The following ITFG1 variants were observed in gnomAD, a reference collection of about 807,000 sequenced individuals.
The protein encoded by ITFG1 is T-cell immunomodulatory protein.
ITFG1 carries 34 observed loss-of-function variants against 81.8 expected under a neutral mutation model. The ratio of observed to expected loss-of-function variants is 0.42; its 90% CI spans 0.32 to 0.55. The LOEUF (loss-of-function observed/expected upper bound fraction) is 0.55. ITFG1 is among the 20% of genes least tolerant of loss of function. The probability of loss-of-function intolerance (pLI) is 0.17; values close to 1 mark genes in which losing one functional copy is unlikely to be tolerated. For missense variants in ITFG1, 672 were observed against 755.4 expected, an observed-to-expected ratio of 0.89 and a Z score of 1.29; for synonymous variants, 285 against 270.6, an observed-to-expected ratio of 1.05 and a Z score of -0.52.
chr16:47,424,327 C>T (rs1968991277), intron 6 of ITFG1, among the ~76,000 whole-genome samples: 2 of 152,164 alleles, frequency 1.3e-5, no homozygotes, highest in Non-Finnish European at 1.5e-5. Flanking sequence ...GTTAGCCATT[C>T]GCCTAACCTT....
intron 12 of ITFG1, 141 bp from the exon 13 acceptor site, chr16:47,238,149 G>T: frequency 1.8e-6 from 1 of 568,944 alleles, no homozygotes; most frequent in Non-Finnish European, 3.1e-6. Flanking sequence ...TTAGATCTGA[G>T]CAAATTAAAG....
intron 6 of ITFG1, among the ~76,000 whole-genome samples, chr16:47,425,525 G>A (rs764621419): frequency 5.9e-5 from 9 of 151,620 alleles, no homozygotes; most frequent in South Asian, 2.1e-4. Flanking sequence ...CGTCTTCTGC[G>A]TTGATCTCAC....
intron 14 of ITFG1, among the ~76,000 whole-genome samples, chr16:47,214,135 T>C (rs1346572156): frequency 6.6e-6 from 1 of 152,184 alleles, no homozygotes; most frequent in Non-Finnish European, 1.5e-5. Flanking sequence ...CAGGTTGATG[T>C]GGGGTAAAAC....
rs188014410 is a variant in ITFG1 at position 47,378,453 on chromosome 16, A to G, written c.656-2513T>C. On this transcript the variant is annotated intron_variant, in intron 6 of 17. Transcript: ENST00000320640. Reference sequence around the variant, plus strand: ...ACCAGCAATTTATCGCCGCTCCTTGAAAACCAATTCAAAAATTTTTTTCCA... The same window carrying G: ...ACCAGCAATTTATCGCCGCTCCTTGGAAACCAATTCAAAAATTTTTTTCCA... Among the ~76,000 whole-genome samples, 874 of 152,306 alleles carry G rather than the reference A, an allele frequency of 5.7e-3. 7 individuals carry two copies. The highest frequency in any genetic ancestry group is 0.02 in the African/African-American group (832 of 41,552).
intron 13 of ITFG1, among the ~76,000 whole-genome samples, chr16:47,234,307 C>T (rs780117661): frequency 2.0e-5 from 3 of 151,960 alleles, no homozygotes; most frequent in Admixed American, 6.6e-5. Context: ...GAGATAGAAA[C>T]TAAGAATCAA....
chr16:47,454,876 T>C (rs2151619660), intron 2 of ITFG1, among the ~76,000 whole-genome samples: 2 of 152,364 alleles, frequency 1.3e-5, no homozygotes, highest in South Asian at 4.1e-4. Flanking sequence ...ATTCATTTTA[T>C]ACTTAATTCT....
chr16:47,220,183 T>C (rs960734596), intron 13 of ITFG1, among the ~76,000 whole-genome samples: 1 of 152,242 alleles, frequency 6.6e-6, no homozygotes, highest in Non-Finnish European at 1.5e-5. Context: ...AGACAAGGTC[T>C]AGAAATCCTG....
At chr16:47,180,000 G>A (rs1965084967) in intron 14 of ITFG1, among the ~76,000 whole-genome samples, 1 of 152,182 alleles carries the variant, frequency 6.6e-6, no homozygotes, top group Non-Finnish European at 1.5e-5. Context: ...ATAGCTGATA[G>A]GATGAAGTGA....
At chr16:47,183,586 A>C (rs1965164626) in intron 14 of ITFG1, among the ~76,000 whole-genome samples, 1 of 152,210 alleles carries the variant, frequency 6.6e-6, no homozygotes, top group Non-Finnish European at 1.5e-5. Context: ...CCTGTCTGTT[A>C]GAAGGAAAAC....
chr16:47,255,159 C>T (rs1966125354), intron 12 of ITFG1, among the ~76,000 whole-genome samples: 1 of 152,112 alleles, frequency 6.6e-6, no homozygotes. Context: ...TCTCATTAAA[C>T]AGAAAGAAAA....
chr16:47,252,377 G>C (rs1966086563), intron 12 of ITFG1, among the ~76,000 whole-genome samples: 1 of 152,130 alleles, frequency 6.6e-6, no homozygotes, highest in Non-Finnish European at 1.5e-5. Context: ...AAAAAAGAAA[G>C]CTTTCCCAAA....
At chr16:47,447,149 T>G (rs1756825140) in intron 5 of ITFG1, among the ~76,000 whole-genome samples, 1 of 152,224 alleles carries the variant, frequency 6.6e-6, no homozygotes, top group Non-Finnish European at 1.5e-5. Context: ...ATTACTGGCA[T>G]GAGTCACTGC....
At chr16:47,216,965 T>A (rs986933715) in intron 14 of ITFG1, among the ~76,000 whole-genome samples, 6 of 152,218 alleles carry the variant, frequency 3.9e-5, no homozygotes, top group African/African-American at 1.4e-4. Context: ...ATTATTCATT[T>A]AACTGCATAA....
At chr16:47,241,405 T>G (rs544274635) in intron 12 of ITFG1, among the ~76,000 whole-genome samples, 1 of 152,264 alleles carries the variant, frequency 6.6e-6, no homozygotes, top group East Asian at 1.9e-4. Context: ...CAAATGTCCA[T>G]CAAATGATGA....
intron 14 of ITFG1, among the ~76,000 whole-genome samples, chr16:47,170,374 T>G (rs1295042633): frequency 6.6e-6 from 1 of 152,200 alleles, no homozygotes; most frequent in East Asian, 1.9e-4. Context: ...TACAGGTAGG[T>G]TGACATTGTC....
intron 8 of ITFG1, among the ~76,000 whole-genome samples, chr16:47,321,633 G>A (rs1967449776): frequency 6.6e-6 from 1 of 152,150 alleles, no homozygotes; most frequent in South Asian, 2.1e-4. Flanking sequence ...AGGCTGCAGA[G>A]TACTATGACT....
intron 14 of ITFG1, among the ~76,000 whole-genome samples, chr16:47,215,421 T>A (rs1246016817): frequency 6.6e-6 from 1 of 152,230 alleles, no homozygotes; most frequent in Non-Finnish European, 1.5e-5. Context: ...TGAAATATTT[T>A]AAAAGCTTTT....
intron 10 of ITFG1, among the ~76,000 whole-genome samples, chr16:47,268,274 T>C (rs1966300452): frequency 6.6e-6 from 1 of 152,158 alleles, no homozygotes; most frequent in Non-Finnish European, 1.5e-5. Flanking sequence ...TTTGTGCCAA[T>C]ACAATTGATA....
At chr16:47,241,963 A>AG (rs1334663917) in intron 12 of ITFG1, among the ~76,000 whole-genome samples, 7 of 151,848 alleles carry the variant, frequency 4.6e-5, no homozygotes, top group African/African-American at 1.7e-4. Context: ...CAAAAAAAAA[A>AG]AAAAAGAAAA....
Sources: allele counts gnomAD v4.1 joint callset (sites outside exome capture counted in the v4.1 genomes callset), GRCh38; gene constraint gnomAD v4.1.1; transcripts MANE v1.5; gene names NCBI Gene and HGNC (gene_info 2026-07-23, HGNC 2026-07-21).